Variants in SYCP1 observed in about 807,000 individuals in gnomAD.
The protein encoded by SYCP1 is synaptonemal complex protein 1.
In SYCP1, 64 loss-of-function variants were observed where a neutral mutation model predicts 153.1. That is an observed-to-expected ratio of 0.42 (90% CI 0.34 to 0.51). SYCP1 has a LOEUF of 0.51. SYCP1 is among the 20% of genes least tolerant of loss of function. The probability of loss-of-function intolerance (pLI) is 0.06; values close to 1 mark genes in which losing one functional copy is unlikely to be tolerated. For missense variants in SYCP1, 997 were observed against 1,049.0 expected (o/e 0.95, Z 0.68); for synonymous variants, 384 against 341.8 (o/e 1.12, Z -1.36).
At chr1:114,983,866 C>G (rs1309356544) in intron 29 of SYCP1, among the ~76,000 whole-genome samples, 2 of 151,864 alleles carry the variant, frequency 1.3e-5, no homozygotes, top group Non-Finnish European at 2.9e-5. Context: ...GCTCATTACT[C>G]TGCCATTTGT....
chr1:114,913,892 G>C, intron 19 of SYCP1, 83 bp from the exon 20 acceptor site: 1 of 1,009,460 alleles, frequency 9.9e-7, no homozygotes, highest in South Asian at 1.9e-5. Flanking sequence ...ATTTTATGCT[G>C]ATAGATAAAG....
chr1:114,905,373 A>C (rs763092893), intron 16 of SYCP1, among the ~76,000 whole-genome samples: 1 of 152,192 alleles, frequency 6.6e-6, no homozygotes, highest in Non-Finnish European at 1.5e-5. Context: ...AAGATGATGA[A>C]TCCCTGCATC....
At chr1:114,965,715 A>G (rs1041900179) in intron 27 of SYCP1, among the ~76,000 whole-genome samples, 1 of 151,994 alleles carries the variant, frequency 6.6e-6, no homozygotes, top group African/African-American at 2.4e-5. Flanking sequence ...CGCGGTGGAT[A>G]AGCTTTTTGA....
chr1:114,988,401 G>A (rs1289387866), intron 30 of SYCP1, among the ~76,000 whole-genome samples: 8 of 151,936 alleles, frequency 5.3e-5, no homozygotes, highest in Admixed American at 5.3e-4. Flanking sequence ...AATGAATCTT[G>A]AAAGCAGCAA....
chr1:114,922,655 A>G (rs556953726), intron 20 of SYCP1, among the ~76,000 whole-genome samples: 9 of 152,228 alleles, frequency 5.9e-5, no homozygotes, highest in South Asian at 2.1e-4. Flanking sequence ...TTACATTTCA[A>G]TATGAAATTT....
intron 23 of SYCP1, among the ~76,000 whole-genome samples, chr1:114,935,520 T>C (rs1056650932): frequency 4.6e-5 from 7 of 152,046 alleles, no homozygotes; most frequent in African/African-American, 1.7e-4. Context: ...AGCAAACACA[T>C]TCAAAAGCTA....
At chr1:114,880,508 C>T (rs1665848654) in intron 12 of SYCP1, among the ~76,000 whole-genome samples, 1 of 152,074 alleles carries the variant, frequency 6.6e-6, no homozygotes, top group African/African-American at 2.4e-5. Flanking sequence ...GTATGTTGGG[C>T]TGATTATCTG....
rs116631732 is a variant in SYCP1, at chr1:114,978,978, G to C, written c.2382+1362G>C. Among the ~76,000 whole-genome samples the C allele has an allele frequency of 6.6e-3, 1,004 of 151,594 alleles. 14 individuals are homozygous for C. Among genetic ancestry groups the C allele is most frequent in the African/African-American group, 0.023 (941 of 41,456 alleles). On this transcript the variant is annotated intron_variant, in intron 28 of 31. Coordinates refer to ENST00000369522, the MANE Select transcript of SYCP1 (RefSeq NM_003176.4). ...AGTATGTATCACATATTCTTATAGA[G>C]ATATTTTGATTCATGTACAATTCTA...
chr1:114,937,360 G>C (rs1380774565), intron 23 of SYCP1, among the ~76,000 whole-genome samples: 1 of 152,104 alleles, frequency 6.6e-6, no homozygotes, highest in Non-Finnish European at 1.5e-5. Context: ...AGCTGAAACT[G>C]GATCCCTTCC....
chr1:114,966,887 G>C (rs1672163168), intron 27 of SYCP1, among the ~76,000 whole-genome samples: 2 of 151,992 alleles, frequency 1.3e-5, no homozygotes, highest in Non-Finnish European at 2.9e-5. Flanking sequence ...GTTTCACCAT[G>C]TTGGCTAGGC....
At chr1:114,923,739 T>C (rs1277686821) in intron 21 of SYCP1, 1 of 354,152 alleles carries the variant, frequency 2.8e-6, no homozygotes, top group African/African-American at 2.1e-5. Flanking sequence ...GGCATAATTC[T>C]GATTTTCTTT....
At chr1:114,904,463 T>C (rs979241494) in intron 16 of SYCP1, among the ~76,000 whole-genome samples, 17 of 152,174 alleles carry the variant, frequency 1.1e-4, no homozygotes, top group African/African-American at 4.1e-4. Context: ...GAAATTTTTA[T>C]TGGAATTGTG....
chr1:114,887,245 A>G (rs1666374933), intron 14 of SYCP1, among the ~76,000 whole-genome samples: 1 of 152,126 alleles, frequency 6.6e-6, no homozygotes, highest in East Asian at 1.9e-4. Context: ...GAAGTTAACC[A>G]AATTATACAT....
intron 15 of SYCP1, among the ~76,000 whole-genome samples, chr1:114,894,484 T>C (rs184898363): frequency 7.2e-5 from 11 of 152,292 alleles, no homozygotes; most frequent in Admixed American, 7.2e-4. Flanking sequence ...GTTAAAAATA[T>C]AAGAAAGTTG....
intron 21 of SYCP1, 31 bp downstream of exon 21, chr1:114,923,561 C>T (rs775414705): frequency 2.6e-6 from 4 of 1,520,708 alleles, no homozygotes; most frequent in Admixed American, 4.1e-5. Flanking sequence ...GATCGTATCA[C>T]AAAATTTCAA....
rs961397050 is a variant in SYCP1 at position 114,977,616 on chromosome 1, G to A, written c.2382G>A (p.Lys794=). Residue 794 remains lysine (K), a splice_region_variant and synonymous_variant, in exon 28 of 32, where the codon AAG becomes AAA. Transcript: ENST00000369522. The part of the protein sequence containing the change: ...NTATLKEKKD[K]KTQTFLLETP... ...CTACTCTTAAAGAAAAAAAAGACAA[G>A]GTAAGAGCATATAATTCTCATAGTT... 5 of 1,493,434 alleles carry A rather than the reference G, an allele frequency of 3.3e-6. No individual in the cohort carries two copies. In the African/African-American group the frequency reaches 7.2e-5, roughly 21 times the overall value. 92.5% of individuals were successfully genotyped at this position (1,493,434 alleles called of 1,614,324 possible). A position where few individuals can be genotyped will look rare whatever the true frequency, so the allele number is the denominator to read the frequency against.
At chr1:114,913,616 G>A (rs1468052657) in intron 19 of SYCP1, among the ~76,000 whole-genome samples, 1 of 152,036 alleles carries the variant, frequency 6.6e-6, no homozygotes, top group Non-Finnish European at 1.5e-5. Context: ...TAAAGAGAAG[G>A]CTTCTGAGAG....
At chr1:114,862,196 A>G (rs1204036674) in intron 8 of SYCP1, among the ~76,000 whole-genome samples, 2 of 152,114 alleles carry the variant, frequency 1.3e-5, no homozygotes, top group African/African-American at 4.8e-5. Flanking sequence ...CTCCTCTACT[A>G]TATCCTATGT....
At chr1:114,919,959 T>G (rs976641259) in intron 20 of SYCP1, among the ~76,000 whole-genome samples, 4 of 151,990 alleles carry the variant, frequency 2.6e-5, no homozygotes, top group African/African-American at 9.7e-5. Context: ...CTTTTTGTTT[T>G]GTTGATGTTT....
Sources: gnomAD v4.1 joint callset for allele counts (sites outside exome capture counted in the v4.1 genomes callset) on GRCh38, gnomAD v4.1.1 for gene constraint, MANE v1.5 for transcripts, NCBI Gene and HGNC (gene_info 2026-07-23, HGNC 2026-07-21) for gene names.